PPP2R2C: variants seen among roughly 807,000 people sequenced by gnomAD.
The protein encoded by PPP2R2C is protein phosphatase 2, regulatory subunit B, gamma.
In PPP2R2C, 10 loss-of-function variants were observed where a neutral mutation model predicts 45.3. The observed-to-expected ratio is 0.22, with a 90% CI of 0.14 to 0.37. The LOEUF is 0.37. Ranked by LOEUF, PPP2R2C falls within the 10% of genes least tolerant of loss-of-function variation. The pLI is 1.00. For synonymous variants in PPP2R2C, 257 were observed against 245.4 expected (o/e 1.05, Z -0.44); for missense variants, 308 against 619.7 (o/e 0.50, Z 5.34).
At chr4:6,522,470 T>C (rs957300286) in intron 2 of PPP2R2C, among the ~76,000 whole-genome samples, 1 of 152,216 alleles carries the variant, frequency 6.6e-6, no homozygotes, top group Non-Finnish European at 1.5e-5. Flanking sequence ...CCCTCATGCT[T>C]CCCAAGCACC....
chr4:6,377,137 C>T (rs921920786), intron 3 of PPP2R2C, among the ~76,000 whole-genome samples: 2 of 152,230 alleles, frequency 1.3e-5, no homozygotes, highest in Non-Finnish European at 2.9e-5. Context: ...CTGCGCCTAG[C>T]CATGTTCGGG....
At chr4:6,455,786 C>T (rs969650572) in intron 1 of PPP2R2C, among the ~76,000 whole-genome samples, 1 of 152,200 alleles carries the variant, frequency 6.6e-6, no homozygotes, top group Non-Finnish European at 1.5e-5. Flanking sequence ...GAACACACCA[C>T]GCCGTGCTGT....
intron 1 of PPP2R2C, among the ~76,000 whole-genome samples, chr4:6,401,763 G>A (rs1239177649): frequency 6.6e-6 from 1 of 152,208 alleles, no homozygotes; most frequent in East Asian, 1.9e-4. Context: ...ACAGAGGAAA[G>A]TCACAAGTGA....
At chr4:6,400,936 T>C (rs888635538) in intron 1 of PPP2R2C, among the ~76,000 whole-genome samples, 6 of 152,148 alleles carry the variant, frequency 3.9e-5, no homozygotes, top group East Asian at 1.9e-4. Context: ...TTGAGGAACA[T>C]TTCAAGGGGT....
intron 1 of PPP2R2C, among the ~76,000 whole-genome samples, chr4:6,542,709 A>AAAAAAAAAAAG (rs112182178): frequency 0.65 from 83,019 of 127,408 alleles, 28,502 homozygotes; most frequent in Middle Eastern, 0.73. Context: ...TCTCAAAAAA[A>AAAAAAAAAAAG]AAAAAGAAAA....
intron 6 of PPP2R2C, among the ~76,000 whole-genome samples, chr4:6,347,230 G>T (rs1000883739): frequency 6.6e-6 from 1 of 152,250 alleles, no homozygotes; most frequent in Non-Finnish European, 1.5e-5. Flanking sequence ...AAAGCCCTTG[G>T]TAAGGGCTGG....
intron 1 of PPP2R2C, among the ~76,000 whole-genome samples, chr4:6,417,378 A>T (rs1314864956): frequency 6.6e-6 from 1 of 152,178 alleles, no homozygotes; most frequent in Non-Finnish European, 1.5e-5. Flanking sequence ...CTGTCTGCTG[A>T]CCCAGGCCTT....
chr4:6,477,358 C>T (rs1722197893), upstream of PPP2R2C, among the ~76,000 whole-genome samples: 1 of 152,216 alleles, frequency 6.6e-6, no homozygotes, highest in African/African-American at 2.4e-5. Flanking sequence ...TGTTGATCCA[C>T]AACCTTCTTA....
chr4:6,407,746 G>A lies in PPP2R2C; in HGVS notation c.71-26652C>T, dbSNP rs934851920. Among the ~76,000 whole-genome samples, 3 of 152,098 alleles carry A rather than the reference G, an allele frequency of 2.0e-5. 1 individual carries two copies. The South Asian group carries it at 6.2e-4, about 31-fold the overall frequency. On this transcript the variant is annotated intron_variant, in intron 1 of 8. Coordinates refer to ENST00000382599, the MANE Select transcript of PPP2R2C (RefSeq NM_020416.4). ...TCAAATACCCTTAGACAAATGGACT[G>A]GGAAGTTCTTAAACTATTCAAAAGT...
chr4:6,451,854 C>G (rs141158220), intron 1 of PPP2R2C, among the ~76,000 whole-genome samples: 2 of 152,074 alleles, frequency 1.3e-5, no homozygotes, highest in Non-Finnish European at 2.9e-5. Flanking sequence ...AGAGTTGGAT[C>G]GGCAGAGCCA....
chr4:6,363,217 T>C (rs1394895584), intron 5 of PPP2R2C, among the ~76,000 whole-genome samples: 1 of 152,144 alleles, frequency 6.6e-6, no homozygotes, highest in Non-Finnish European at 1.5e-5. Flanking sequence ...TGCTGGTAAC[T>C]TGAACAATAC....
rs147046697 is a variant in PPP2R2C, at chr4:6,381,471, C to A, written c.71-377G>T. The A allele has an allele frequency of 1.6e-3, 2,158 of 1,368,216 alleles. 32 individuals carry two copies. In the African/African-American group the frequency reaches 0.027, roughly 17 times the overall value. The allele number at this position is 1,368,216 out of a possible 1,614,324, so 84.8% of individuals were successfully genotyped here. ...CCCACACCTACCCCTGCCACCCAGG[C>A]CCCCATGCTCCAGCAACCTGGGTCA... On this transcript the variant is annotated intron_variant, in intron 1 of 8. Transcript: ENST00000382599.
At chr4:6,356,054 G>A (rs1010696056) in intron 5 of PPP2R2C, among the ~76,000 whole-genome samples, 8 of 149,292 alleles carry the variant, frequency 5.4e-5, no homozygotes, top group East Asian at 3.9e-4. Flanking sequence ...CACGTGCTGC[G>A]GGTCCAGTGA....
At chr4:6,518,322 GA>G (rs1164375218) in intron 2 of PPP2R2C, among the ~76,000 whole-genome samples, 2 of 152,022 alleles carry the variant, frequency 1.3e-5, no homozygotes, top group Non-Finnish European at 2.9e-5. Flanking sequence ...AAATAAAATT[GA>G]AAACAAGAAA....
intron 1 of PPP2R2C, among the ~76,000 whole-genome samples, chr4:6,462,785 T>A (rs4234742): frequency 1.3e-5 from 2 of 152,248 alleles, no homozygotes; most frequent in Non-Finnish European, 2.9e-5. Context: ...AACGGGGAAA[T>A]GACAGGAGTC....
chr4:6,447,647 C>T (rs1242632861), intron 1 of PPP2R2C, among the ~76,000 whole-genome samples: 1 of 151,464 alleles, frequency 6.6e-6, no homozygotes, highest in Non-Finnish European at 1.5e-5. Flanking sequence ...AAGGAGGAAA[C>T]TGGCAACCAC....
At chr4:6,408,785 T>C (rs1425517009) in intron 1 of PPP2R2C, among the ~76,000 whole-genome samples, 5 of 150,104 alleles carry the variant, frequency 3.3e-5, no homozygotes, top group Admixed American at 3.3e-4. Flanking sequence ...AGGCAGTGGG[T>C]AGAGAGAATG....
Position 6,472,355 on chromosome 4 carries a change from G to T in PPP2R2C, c.-126C>A. 4 of 1,215,870 alleles carry T rather than the reference G, an allele frequency of 3.3e-6. No individual in the cohort carries two copies. Among genetic ancestry groups the T allele is most frequent in the Non-Finnish European group, 4.1e-6 (4 of 974,934 alleles). The allele number at this position is 1,215,870 out of a possible 1,614,324, so 75.3% of individuals were successfully genotyped here. A position where few individuals can be genotyped will look rare whatever the true frequency, so the allele number is the denominator to read the frequency against. Reference sequence around the variant, plus strand: ...CAGGGGCGCGGGCCGCCGGGGCCCCGAAGGGAGGGCATCGCGGCAGGGGGA... The same window carrying T: ...CAGGGGCGCGGGCCGCCGGGGCCCCTAAGGGAGGGCATCGCGGCAGGGGGA... On this transcript the variant is annotated 5_prime_UTR_variant, in exon 1 of 9. Transcript: ENST00000382599.
At chr4:6,525,730 G>A (rs1286112735) in intron 2 of PPP2R2C, among the ~76,000 whole-genome samples, 3 of 152,048 alleles carry the variant, frequency 2.0e-5, no homozygotes, top group Non-Finnish European at 1.5e-5. Context: ...GGGAGGGTAG[G>A]TCTTGCTCTG....
Sources: gnomAD v4.1 joint callset for allele counts (sites outside exome capture counted in the v4.1 genomes callset) on GRCh38, gnomAD v4.1.1 for gene constraint, MANE v1.5 for transcripts, NCBI Gene and HGNC (gene_info 2026-07-23, HGNC 2026-07-21) for gene names.